The following HORMAD2 variants were observed in gnomAD, a reference collection of about 807,000 sequenced individuals.
HORMAD2 encodes HORMA domain containing 2.
A neutral mutation model predicts 38.8 loss-of-function variants in HORMAD2; 45 were observed. That is an observed-to-expected ratio of 1.16 (90% CI 0.91 to 1.49). The LOEUF is 1.49. Among genes scored for constraint, HORMAD2 ranks in the 40% most tolerant of loss-of-function variants. The probability of loss-of-function intolerance (pLI) is 0.00; values close to 1 mark genes in which losing one functional copy is unlikely to be tolerated. For missense variants in HORMAD2, 338 were observed against 367.0 expected, an observed-to-expected ratio of 0.92 and a Z score of 0.65; for synonymous variants, 126 against 122.8, an observed-to-expected ratio of 1.03 and a Z score of -0.17.
intron 10 of HORMAD2, among the ~76,000 whole-genome samples, chr22:30,158,547 TTCCTCCCTC>T (rs1925229352): frequency 1.6e-5 from 2 of 123,234 alleles, no homozygotes; most frequent in Admixed American, 8.0e-5. Flanking sequence ...CCTTCCTTCC[TTCCTCCCTC>T]CCCTCCCCTC....
chr22:30,104,188 G>C lies in HORMAD2; in HGVS notation c.258-213G>C, dbSNP rs947726603. On this transcript the variant is annotated intron_variant, in intron 4 of 10. Transcript: ENST00000336726. ...CTAAACATGGGATCCAAAAAAATTT[G>C]GTTCACTACCACAAAATAGCTCACT... Among the ~76,000 whole-genome samples, 4 of 151,910 alleles carry C rather than the reference G, an allele frequency of 2.6e-5. No homozygotes were observed. The East Asian group carries it at 7.7e-4, about 29-fold the overall frequency.
chr22:30,123,904 C>T (rs1239012605), intron 10 of HORMAD2, among the ~76,000 whole-genome samples: 1 of 151,792 alleles, frequency 6.6e-6, no homozygotes, highest in Non-Finnish European at 1.5e-5. Flanking sequence ...TCCTGGGCTC[C>T]AGTGATCCTC....
chr22:30,092,239 G>A (rs1288031947), intron 1 of HORMAD2, among the ~76,000 whole-genome samples: 1 of 150,646 alleles, frequency 6.6e-6, no homozygotes, highest in Non-Finnish European at 1.5e-5. Flanking sequence ...TCTCATTGTG[G>A]TTTCAATTTG....
At chr22:30,207,028 C>T in the HORMAD2 span, 2 of 469,482 alleles carry the variant, frequency 4.3e-6, no homozygotes, top group Admixed American at 2.4e-5. Context: ...CACCCGTCCC[C>T]TCGTGTCGGC....
chr22:30,101,513 G>A (rs1174709358), intron 3 of HORMAD2, among the ~76,000 whole-genome samples: 1 of 151,728 alleles, frequency 6.6e-6, no homozygotes, highest in Non-Finnish European at 1.5e-5. Flanking sequence ...ATGATGGGTT[G>A]ATGGTTGCAA....
At chr22:30,203,201 C>T in the HORMAD2 span, among the ~76,000 whole-genome samples, 1 of 151,786 alleles carries the variant, frequency 6.6e-6, no homozygotes, top group Non-Finnish European at 1.5e-5. Context: ...TTGTGACCAG[C>T]CTGGCCTATA....
chr22:30,120,268 A>C (rs1486167900), intron 8 of HORMAD2, among the ~76,000 whole-genome samples: 1 of 152,222 alleles, frequency 6.6e-6, no homozygotes, highest in South Asian at 2.1e-4. Flanking sequence ...GGAGGCTCCC[A>C]TGAGCTACAT....
chr22:30,186,326 T>C, the HORMAD2 span, among the ~76,000 whole-genome samples: 2 of 151,298 alleles, frequency 1.3e-5, no homozygotes, highest in African/African-American at 4.8e-5. Context: ...CTCCTCTGGA[T>C]AGGAGACCCC....
At position 30,130,744 on chromosome 22, in the gene HORMAD2, C is replaced by T. The variant is rs116551128; in HGVS notation, c.819+8530C>T. Reference sequence around the variant, plus strand: ...TAACTGGGACTACAGGGGCGTGTCACCATGTCTGGCTAATTTTTATATGTT... The same window carrying T: ...TAACTGGGACTACAGGGGCGTGTCATCATGTCTGGCTAATTTTTATATGTT... On this transcript the variant is annotated intron_variant, in intron 10 of 10. Transcript: ENST00000336726. Among the ~76,000 whole-genome samples the T allele has an allele frequency of 4.4e-3, 674 of 151,926 alleles. 4 individuals carry two copies. The highest frequency in any genetic ancestry group is 0.016 in the African/African-American group (645 of 41,430).
intron 10 of HORMAD2, among the ~76,000 whole-genome samples, chr22:30,159,442 C>T (rs1925309363): frequency 6.6e-6 from 1 of 152,138 alleles, no homozygotes; most frequent in Admixed American, 6.5e-5. Flanking sequence ...TACTCAACAA[C>T]CTTGAGTTTT....
intron 10 of HORMAD2, among the ~76,000 whole-genome samples, chr22:30,167,210 A>G (rs975883138): frequency 1.3e-5 from 2 of 152,090 alleles, no homozygotes; most frequent in African/African-American, 4.8e-5. Flanking sequence ...CACATCTCCC[A>G]TTGCCTCTGT....
intron 10 of HORMAD2, among the ~76,000 whole-genome samples, chr22:30,163,617 G>T (rs992971175): frequency 1.3e-5 from 2 of 151,878 alleles, no homozygotes; most frequent in African/African-American, 4.8e-5. Flanking sequence ...TTGTAGAGAT[G>T]AAGTTTCTCC....
At chr22:30,127,031 C>T (rs1044498620) in intron 10 of HORMAD2, among the ~76,000 whole-genome samples, 2 of 151,994 alleles carry the variant, frequency 1.3e-5, no homozygotes, top group Non-Finnish European at 2.9e-5. Flanking sequence ...AAATTGTTTG[C>T]TCCTACCCTG....
intron 10 of HORMAD2, among the ~76,000 whole-genome samples, chr22:30,163,754 AT>A (rs1274621397): frequency 6.6e-6 from 1 of 151,880 alleles, no homozygotes; most frequent in Non-Finnish European, 1.5e-5. Flanking sequence ...TTTTATTTTT[AT>A]TTTTATTTTT....
chr22:30,173,404 G>C (rs1382961873), intron 10 of HORMAD2, among the ~76,000 whole-genome samples: 2 of 152,152 alleles, frequency 1.3e-5, no homozygotes, highest in African/African-American at 4.8e-5. Flanking sequence ...TGGGAATAGA[G>C]GACAATGGAT....
chr22:30,149,685 T>A (rs1924631175), intron 10 of HORMAD2, among the ~76,000 whole-genome samples: 1 of 152,210 alleles, frequency 6.6e-6, no homozygotes, highest in South Asian at 2.1e-4. Flanking sequence ...TGTTTCCTAT[T>A]CTTGGTTTCC....
intron 2 of HORMAD2, among the ~76,000 whole-genome samples, chr22:30,095,744 A>G (rs1179655026): frequency 6.6e-6 from 1 of 152,224 alleles, no homozygotes; most frequent in Middle Eastern, 3.2e-3. Context: ...CCTGGCTGAA[A>G]GAACTGCATA....
chr22:30,085,043 G>A (rs1465804911), intron 1 of HORMAD2, among the ~76,000 whole-genome samples: 3 of 152,082 alleles, frequency 2.0e-5, no homozygotes, highest in Non-Finnish European at 4.4e-5. Flanking sequence ...CTACTCGGGA[G>A]GCTGAGGCAG....
chr22:30,179,948 G>A (rs1400413805), downstream of HORMAD2, among the ~76,000 whole-genome samples: 1 of 152,044 alleles, frequency 6.6e-6, no homozygotes, highest in Non-Finnish European at 1.5e-5. Flanking sequence ...GAGTATAGTG[G>A]TGCAATCATG....
Sources: gnomAD v4.1 joint callset for allele counts (sites outside exome capture counted in the v4.1 genomes callset) on GRCh38, gnomAD v4.1.1 for gene constraint, MANE v1.5 for transcripts, NCBI Gene and HGNC (gene_info 2026-07-23, HGNC 2026-07-21) for gene names.